The following KLF8 variants were observed in gnomAD, a reference collection of about 807,000 sequenced individuals.
KLF8 encodes the protein KLF transcription factor 8, also known as Krueppel-like factor 8.
In KLF8, 10 loss-of-function variants were observed where a neutral mutation model predicts 18.2. The observed-to-expected ratio is 0.55, with a 90% CI of 0.34 to 0.93. The LOEUF (loss-of-function observed/expected upper bound fraction) is 0.93. Ranked by LOEUF, KLF8 falls within the 40% of genes least tolerant of loss-of-function variation. The probability of loss-of-function intolerance (pLI) is 0.02; values close to 1 mark genes in which losing one functional copy is unlikely to be tolerated. For synonymous variants in KLF8, 109 were observed against 97.3 expected, an observed-to-expected ratio of 1.12 and a Z score of -0.71; for missense variants, 264 against 277.9, an observed-to-expected ratio of 0.95 and a Z score of 0.36.
the KLF8 span, among the ~76,000 whole-genome samples, chrX:56,163,969 G>T: frequency 3.1e-3 from 345 of 111,723 alleles, no homozygotes; most frequent in African/African-American, 0.011. Context: ...CTCTGTCTTT[G>T]TACCAGTACC....
the KLF8 span, among the ~76,000 whole-genome samples, chrX:56,088,348 G>T: frequency 9.0e-6 from 1 of 110,721 alleles, no homozygotes; most frequent in Admixed American, 9.6e-5. Context: ...TATAAAGGAG[G>T]TGTGAAAAAC....
chrX:56,030,184 C>G, the KLF8 span, among the ~76,000 whole-genome samples: 1 of 111,373 alleles, frequency 9.0e-6, no homozygotes. Flanking sequence ...CCTTTTGAGC[C>G]CCTTTTTTTC....
At chrX:56,026,459 G>C in the KLF8 span, among the ~76,000 whole-genome samples, 1 of 111,811 alleles carries the variant, frequency 8.9e-6, no homozygotes, top group Non-Finnish European at 1.9e-5. Context: ...ATAATACTTT[G>C]TAAGAGGAGT....
At chrX:56,185,638 C>T in the KLF8 span, among the ~76,000 whole-genome samples, 1 of 111,902 alleles carries the variant, frequency 8.9e-6, no homozygotes, top group Non-Finnish European at 1.9e-5. Context: ...GGTCGAGTTA[C>T]CTACAAAGGG....
chrX:56,007,177 T>A, the KLF8 span, among the ~76,000 whole-genome samples: 4 of 111,665 alleles, frequency 3.6e-5, no homozygotes, highest in African/African-American at 1.3e-4. Context: ...CTGGCTGCAT[T>A]TATGGGTCCA....
the KLF8 span, among the ~76,000 whole-genome samples, chrX:56,214,841 G>A: frequency 7.1e-5 from 8 of 112,093 alleles, no homozygotes; most frequent in African/African-American, 2.6e-4. Context: ...TTGGAATCCA[G>A]GCAGTCCAAC....
chrX:55,943,305 G>A, the KLF8 span, among the ~76,000 whole-genome samples: 12 of 110,344 alleles, frequency 1.1e-4, no homozygotes, highest in African/African-American at 3.6e-4. Context: ...GGAATCATTA[G>A]GATAGAGATG....
the KLF8 span, among the ~76,000 whole-genome samples, chrX:56,188,741 A>G: frequency 8.9e-6 from 1 of 112,053 alleles, no homozygotes; most frequent in Non-Finnish European, 1.9e-5. Context: ...CTGATGTTTG[A>G]CAATCCTGAG....
chrX:56,026,760 C>T, the KLF8 span, among the ~76,000 whole-genome samples: 6 of 111,869 alleles, frequency 5.4e-5, no homozygotes, highest in East Asian at 5.6e-4. Flanking sequence ...AAGAAGCACA[C>T]GGGTTACTTC....
chrX:56,041,222 C>G, the KLF8 span, among the ~76,000 whole-genome samples: 1 of 109,384 alleles, frequency 9.1e-6, no homozygotes, highest in Non-Finnish European at 1.9e-5. Context: ...CTCCCGGGTT[C>G]AAGCGATTCT....
chrX:55,959,748 G>C, the KLF8 span, among the ~76,000 whole-genome samples: 1 of 111,580 alleles, frequency 9.0e-6, no homozygotes, highest in Non-Finnish European at 1.9e-5. Flanking sequence ...TATGTAAAGA[G>C]ACCAAACCTA....
At chrX:56,193,922 T>C in the KLF8 span, among the ~76,000 whole-genome samples, 5 of 111,899 alleles carry the variant, frequency 4.5e-5, no homozygotes, top group African/African-American at 1.6e-4. Flanking sequence ...AGAGTGACTA[T>C]AATAAAAATA....
the KLF8 span, among the ~76,000 whole-genome samples, chrX:55,987,724 G>C: frequency 8.9e-6 from 1 of 112,106 alleles, no homozygotes; most frequent in Non-Finnish European, 1.9e-5. Flanking sequence ...CCAGTAATGG[G>C]ATGGCTGGGT....
the KLF8 span, chrX:55,961,408 G>T: frequency 1.9e-6 from 1 of 515,115 alleles, no homozygotes; most frequent in South Asian, 2.3e-5. Flanking sequence ...TGTCTACTGG[G>T]ATGATAATGG....
chrX:56,071,106 G>A, the KLF8 span, among the ~76,000 whole-genome samples: 1 of 111,524 alleles, frequency 9.0e-6, no homozygotes, highest in South Asian at 3.8e-4. Context: ...CCATGGGATT[G>A]GCCAATAGCT....
chrX:56,270,382 G>GAGAGAGAGAGAGAGAGAGGGGC (rs1440037480), intron 5 of KLF8, 61 bp downstream of exon 5: 3 of 242,344 alleles, frequency 1.2e-5, no homozygotes, highest in Non-Finnish European at 1.6e-5. Context: ...ACACACACAC[G>GAGAGAGAGAGAGAGAGAGGGGC]AGAGAGAGAG....
At chrX:56,183,061 C>T in the KLF8 span, among the ~76,000 whole-genome samples, 1 of 112,590 alleles carries the variant, frequency 8.9e-6, no homozygotes, top group Non-Finnish European at 1.9e-5. Context: ...ATGCCCTGCC[C>T]CCAGAGCGGG....
the KLF8 span, among the ~76,000 whole-genome samples, chrX:56,047,214 ATG>A: frequency 7.8e-3 from 319 of 41,084 alleles, 1 homozygote; most frequent in East Asian, 0.042. Context: ...AGAAGTTGTG[ATG>A]TTTTTTTTTA....
chrX:56,273,061 A>G (rs970446920), intron 5 of KLF8, among the ~76,000 whole-genome samples: 10 of 111,926 alleles, frequency 8.9e-5, no homozygotes, highest in Admixed American at 1.9e-4. Flanking sequence ...TAATTTCTTG[A>G]TAGAGTTTTC....
Sources: allele counts gnomAD v4.1 joint callset (sites outside exome capture counted in the v4.1 genomes callset), GRCh38; gene constraint gnomAD v4.1.1; transcripts MANE v1.5; gene names NCBI Gene and HGNC (gene_info 2026-07-23, HGNC 2026-07-21).